PTPRM: variants seen among roughly 807,000 people sequenced by gnomAD.
PTPRM encodes the protein receptor-type tyrosine-protein phosphatase mu.
In PTPRM, 47 loss-of-function variants were observed where a neutral mutation model predicts 186.7. The ratio of observed to expected loss-of-function variants is 0.25; its 90% CI spans 0.20 to 0.32. The LOEUF is 0.32. Among genes scored for constraint, PTPRM ranks in the 10% least tolerant of loss-of-function variants. The pLI is 1.00. For missense variants in PTPRM, 1,494 were observed against 1,865.0 expected (o/e 0.80, Z 3.66); for synonymous variants, 668 against 674.9 (o/e 0.99, Z 0.16).
chr18:7,798,064 T>G (rs575706082), intron 2 of PTPRM, among the ~76,000 whole-genome samples: 52 of 152,278 alleles, frequency 3.4e-4, no homozygotes, highest in African/African-American at 1.2e-3. Context: ...ATAGGTACCC[T>G]AGGGTTAGAG....
chr18:7,652,505 A>G (rs985018112), intron 1 of PTPRM, among the ~76,000 whole-genome samples: 6 of 152,138 alleles, frequency 3.9e-5, no homozygotes, highest in Admixed American at 2.0e-4. Context: ...AACCAACCCA[A>G]ATGTCCAACA....
chr18:7,676,693 GTGCA>G (rs1568022423), intron 1 of PTPRM, among the ~76,000 whole-genome samples: 9 of 151,590 alleles, frequency 5.9e-5, no homozygotes, highest in African/African-American at 1.2e-4. Flanking sequence ...GTGTGTGCGC[GTGCA>G]CGCGCACGCG....
chr18:8,146,450 T>G (rs1410097151), intron 14 of PTPRM, among the ~76,000 whole-genome samples: 1 of 152,208 alleles, frequency 6.6e-6, no homozygotes, highest in Non-Finnish European at 1.5e-5. Context: ...CATAAATGTC[T>G]TCTTTTGAGA....
intron 10 of PTPRM, among the ~76,000 whole-genome samples, chr18:8,088,222 C>G (rs1159377345): frequency 6.6e-6 from 1 of 152,126 alleles, no homozygotes; most frequent in African/African-American, 2.4e-5. Flanking sequence ...TTTCTGAGAG[C>G]CCACAGATTG....
At chr18:7,715,793 C>T (rs533002429) in intron 1 of PTPRM, among the ~76,000 whole-genome samples, 2 of 152,238 alleles carry the variant, frequency 1.3e-5, no homozygotes, top group Admixed American at 1.3e-4. Context: ...AAGACTCTAA[C>T]TTAACAAGGG....
At chr18:7,872,334 C>T (rs1349819345) in intron 2 of PTPRM, among the ~76,000 whole-genome samples, 2 of 152,184 alleles carry the variant, frequency 1.3e-5, no homozygotes, top group Non-Finnish European at 2.9e-5. Context: ...CCTCATATCA[C>T]TGCCTTAGAT....
At chr18:8,291,934 AG>A (rs565109194) in intron 19 of PTPRM, among the ~76,000 whole-genome samples, 90 of 152,178 alleles carry the variant, frequency 5.9e-4, no homozygotes, top group African/African-American at 2.1e-3. Context: ...GGAAGAATAA[AG>A]GAAGTGTATC....
chr18:8,166,348 TGAA>T (rs1446068450), intron 14 of PTPRM, among the ~76,000 whole-genome samples: 2 of 152,160 alleles, frequency 1.3e-5, no homozygotes, highest in African/African-American at 4.8e-5. Flanking sequence ...GAAGTCACCT[TGAA>T]GAAGACCATG....
chr18:8,359,084 T>C (rs2095580828), intron 23 of PTPRM, among the ~76,000 whole-genome samples: 1 of 144,628 alleles, frequency 6.9e-6, no homozygotes, highest in African/African-American at 2.7e-5. Context: ...GCCTAATCCA[T>C]TATGTCCCTT....
chr18:7,616,476 C>G (rs2037808489), intron 1 of PTPRM, among the ~76,000 whole-genome samples: 1 of 152,150 alleles, frequency 6.6e-6, no homozygotes, highest in African/African-American at 2.4e-5. Flanking sequence ...GCAGATCTCA[C>G]TCCACACCTG....
intron 6 of PTPRM, among the ~76,000 whole-genome samples, chr18:7,951,976 C>A (rs956551616): frequency 1.3e-5 from 2 of 152,150 alleles, no homozygotes; most frequent in African/African-American, 4.8e-5. Context: ...AAATAAAGAC[C>A]AAGTCCTTTA....
intron 7 of PTPRM, among the ~76,000 whole-genome samples, chr18:8,065,006 C>T (rs1254678973): frequency 1.3e-5 from 2 of 152,166 alleles, no homozygotes; most frequent in Non-Finnish European, 2.9e-5. Flanking sequence ...TATTGTAATA[C>T]ACCTCCATAG....
chr18:8,234,142 C>A (rs2094318152), intron 14 of PTPRM, among the ~76,000 whole-genome samples: 1 of 152,116 alleles, frequency 6.6e-6, no homozygotes, highest in Non-Finnish European at 1.5e-5. Context: ...TTGTTATTAA[C>A]CCTAAATAAG....
chr18:7,874,961 G>A (rs138070867), intron 2 of PTPRM, among the ~76,000 whole-genome samples: 10,978 of 152,220 alleles, frequency 0.072, 468 homozygotes, highest in African/African-American at 0.13. Context: ...GGGAGTCCGC[G>A]GCGGGCGGAT....
intron 2 of PTPRM, among the ~76,000 whole-genome samples, chr18:7,804,902 T>C (rs976106983): frequency 2.6e-5 from 4 of 152,324 alleles, no homozygotes; most frequent in East Asian, 1.9e-4. Flanking sequence ...TCTTTAGACA[T>C]TGAGTACGTA....
Position 7,567,652 on chromosome 18 carries a change from CGCTGGAGTT to C in PTPRM, c.-166_-158del, listed in dbSNP as rs1420653583. ...GACCCTGTGCCCGCGCCCCTGGAGCCGCTGGAGTTCGGACTTCTGCAACTGTTGGCACTT... is the reference window on the plus strand; with the variant it reads ...GACCCTGTGCCCGCGCCCCTGGAGCCCGGACTTCTGCAACTGTTGGCACTT... On this transcript the variant is annotated 5_prime_UTR_variant, in exon 1 of 33. Transcript: ENST00000580170. This position sits in a 1 kb window ranked among gnomAD's most constrained non-coding sequence, Gnocchi z 4.3. 1.8e-6 allele frequency: 1 copy of C among 552,606 alleles called. No individual in the cohort carries two copies. The highest frequency in any genetic ancestry group is 3.0e-6 in the Non-Finnish European group (1 of 333,256). 34.2% of individuals were successfully genotyped at this position (552,606 alleles called of 1,614,324 possible).
chr18:7,949,932 A>G (rs2147062176), intron 6 of PTPRM, among the ~76,000 whole-genome samples: 1 of 152,236 alleles, frequency 6.6e-6, no homozygotes, highest in East Asian at 1.9e-4. Context: ...AGCCGGTTTA[A>G]TGGGTTTTTT....
At chr18:7,888,013 G>T (rs1427511879) in intron 2 of PTPRM, 93 bp from the exon 3 acceptor site, 1 of 1,456,566 alleles carries the variant, frequency 6.9e-7, no homozygotes, top group Non-Finnish European at 9.6e-7. Flanking sequence ...ACATGGAATT[G>T]CAGTGCCAAC....
chr18:7,663,674 T>A (rs1040963718), intron 1 of PTPRM, among the ~76,000 whole-genome samples: 2 of 152,190 alleles, frequency 1.3e-5, no homozygotes, highest in Admixed American at 1.3e-4. Flanking sequence ...GCCTTTTGTT[T>A]GAAAAGCAGG....
Sources: gnomAD v4.1 joint callset for allele counts (sites outside exome capture counted in the v4.1 genomes callset) on GRCh38, gnomAD v4.1.1 for gene constraint, Gnocchi (gnomAD v3.1) non-coding constraint, MANE v1.5 for transcripts, NCBI Gene and HGNC (gene_info 2026-07-23, HGNC 2026-07-21) for gene names.